The following CCDC171 variants were observed in gnomAD, a reference collection of about 807,000 sequenced individuals.
The protein encoded by CCDC171 is coiled-coil domain containing 171.
Under a neutral mutation model 168.2 loss-of-function variants are expected in CCDC171, and 177 were observed. The ratio of observed to expected loss-of-function variants is 1.05; its 90% confidence interval spans 0.93 to 1.19. The LOEUF is 1.19. Ranked by LOEUF, CCDC171 falls within the 50% of genes most tolerant of loss-of-function variation. The pLI is 0.00. For synonymous variants in CCDC171, 687 were observed against 540.8 expected (o/e 1.27, Z -3.75); for missense variants, 1,991 against 1,539.0 (o/e 1.29, Z -4.91).
chr9:15,751,196 A>G (rs1318781468), intron 18 of CCDC171, among the ~76,000 whole-genome samples: 1 of 152,182 alleles, frequency 6.6e-6, no homozygotes, highest in Non-Finnish European at 1.5e-5. Flanking sequence ...CAAAGAGAAT[A>G]AAATACCTAG....
chr9:15,671,734 A>G (rs2049127592), intron 9 of CCDC171, among the ~76,000 whole-genome samples: 1 of 152,128 alleles, frequency 6.6e-6, no homozygotes, highest in African/African-American at 2.4e-5. Context: ...TATATGTGCC[A>G]CATTTTCTTA....
chr9:16,081,793 A>G, the CCDC171 span, among the ~76,000 whole-genome samples: 10 of 151,942 alleles, frequency 6.6e-5, no homozygotes, highest in African/African-American at 2.4e-4. Context: ...GAAAACTCAG[A>G]TTTTCAATGT....
At chr9:16,060,452 A>AC (rs34634538) in intron 1 of CCDC171, among the ~76,000 whole-genome samples, 10 of 151,978 alleles carry the variant, frequency 6.6e-5, no homozygotes, top group Non-Finnish European at 8.8e-5. Flanking sequence ...CATAAAACAG[A>AC]CCCCCCAGGC....
intron 21 of CCDC171, among the ~76,000 whole-genome samples, chr9:15,827,991 A>G (rs1035146953): frequency 6.6e-6 from 1 of 152,186 alleles, no homozygotes; most frequent in Non-Finnish European, 1.5e-5. Context: ...AGAAGTCTTC[A>G]ATAGTAGGAT....
rs58171560 is a variant in CCDC171, at chr9:15,634,295, A to G, written c.822+10882A>G. 7.5e-3 allele frequency among the ~76,000 whole-genome samples: 1,136 copies of G among 152,268 alleles called. 9 individuals are homozygous for G. The highest frequency in any genetic ancestry group is 0.026 in the African/African-American group (1,080 of 41,562). On this transcript the variant is annotated intron_variant, in intron 7 of 25. Coordinates refer to ENST00000380701, the MANE Select transcript of CCDC171 (RefSeq NM_173550.4). ...AATAATAAAAAAAGTTTCTTTGGAAAATTTTTAAACATTACAATCTATAGG... is the reference window on the plus strand; with the variant it reads ...AATAATAAAAAAAGTTTCTTTGGAAGATTTTTAAACATTACAATCTATAGG...
In CCDC171 at chr9:15,945,328, C is replaced by T. The variant is rs538793326; in HGVS notation, c.3753+24906C>T. Among the ~76,000 whole-genome samples the T allele has an allele frequency of 7.1e-3, 1,042 of 145,852 alleles. 11 individuals are homozygous for T. The highest frequency in any genetic ancestry group is 0.024 in the African/African-American group (990 of 40,856). On this transcript the variant is annotated intron_variant, in intron 25 of 25. Coordinates refer to ENST00000380701, the MANE Select transcript of CCDC171 (RefSeq NM_173550.4). ...AAGTCTTTGCTATTGTGAATAATGC[C>T]GCAATAAACATAGGTGTGCATGTGT...
Position 15,971,883 on chromosome 9 carries a change from A to G in CCDC171, c.*47A>G. On this transcript the variant is annotated 3_prime_UTR_variant, in exon 26 of 26. Transcript: ENST00000380701. ...AGGAAGAGTTAACAGTACAATTAAA[A>G]TTGTTTTGAATGGGAATTTTCTTAT... is the stretch of plus-strand genomic sequence containing the variant. The G allele has an allele frequency of 6.8e-7, 1 of 1,475,202 alleles. No homozygotes were observed. The highest frequency in any genetic ancestry group is 9.4e-7 in the Non-Finnish European group (1 of 1,062,770). 91.4% of individuals were successfully genotyped at this position (1,475,202 alleles called of 1,614,324 possible).
At chr9:15,887,670 T>G (rs1819617352) in intron 24 of CCDC171, 1 of 152,112 alleles carries the variant, frequency 6.6e-6, no homozygotes, top group South Asian at 2.1e-4. Context: ...AAAAGATTGT[T>G]GCTTAATTCA....
chr9:15,693,935 T>C (rs1166711107), intron 10 of CCDC171, among the ~76,000 whole-genome samples: 1 of 152,108 alleles, frequency 6.6e-6, no homozygotes, highest in Non-Finnish European at 1.5e-5. Context: ...GAAAAAAAAT[T>C]CAGGCTTACT....
At chr9:15,897,019 A>T (rs1160587753) in intron 24 of CCDC171, among the ~76,000 whole-genome samples, 1 of 152,078 alleles carries the variant, frequency 6.6e-6, no homozygotes. Flanking sequence ...CTTAGTAGTT[A>T]AAATGGAAAT....
chr9:15,630,043 G>C (rs1468894848), intron 7 of CCDC171, among the ~76,000 whole-genome samples: 1 of 152,168 alleles, frequency 6.6e-6, no homozygotes, highest in Non-Finnish European at 1.5e-5. Flanking sequence ...AACATGGAAA[G>C]GAACAACCGG....
intron 9 of CCDC171, among the ~76,000 whole-genome samples, chr9:15,677,821 GCA>G (rs1329373726): frequency 3.3e-5 from 4 of 121,482 alleles, no homozygotes; most frequent in Admixed American, 8.7e-5. Flanking sequence ...ACACACACGC[GCA>G]CACACACAAA....
At chr9:15,766,539 A>G (rs1165285147) in intron 18 of CCDC171, among the ~76,000 whole-genome samples, 3 of 152,094 alleles carry the variant, frequency 2.0e-5, no homozygotes, top group Admixed American at 6.5e-5. Context: ...GAAAACAAAT[A>G]AGGCAGAATT....
At chr9:15,620,607 G>A (rs1048927497) in intron 6 of CCDC171, among the ~76,000 whole-genome samples, 9 of 152,210 alleles carry the variant, frequency 5.9e-5, no homozygotes, top group Non-Finnish European at 1.3e-4. Flanking sequence ...TGGTGGAGAT[G>A]CTGTGAACAT....
chr9:15,762,191 A>C (rs902377031), intron 18 of CCDC171, among the ~76,000 whole-genome samples: 3 of 148,630 alleles, frequency 2.0e-5, no homozygotes, highest in African/African-American at 7.5e-5. Flanking sequence ...TAAGTTGGAT[A>C]TCCAGATACT....
At chr9:15,602,738 C>T (rs1342981599) in intron 6 of CCDC171, among the ~76,000 whole-genome samples, 1 of 149,204 alleles carries the variant, frequency 6.7e-6, no homozygotes, top group Non-Finnish European at 1.5e-5. Flanking sequence ...TCACTGCAAC[C>T]TCTCCGCCTC....
At chr9:15,980,591 G>A (rs551998971) in intron 3 of CCDC171, among the ~76,000 whole-genome samples, 49 of 152,164 alleles carry the variant, frequency 3.2e-4, no homozygotes, top group African/African-American at 1.1e-3. Flanking sequence ...ATCTTTCATA[G>A]CCCCAAACCA....
At chr9:15,739,326 A>T (rs1000214220) in intron 16 of CCDC171, among the ~76,000 whole-genome samples, 1 of 152,230 alleles carries the variant, frequency 6.6e-6, no homozygotes, top group African/African-American at 2.4e-5. Flanking sequence ...TACTAAAGGA[A>T]GAGATCAACT....
intron 21 of CCDC171, among the ~76,000 whole-genome samples, chr9:15,829,537 C>T (rs1299669553): frequency 6.6e-6 from 1 of 152,124 alleles, no homozygotes; most frequent in African/African-American, 2.4e-5. Context: ...ATTTAAGGTG[C>T]TATAAGTCTG....
Sources: gnomAD v4.1 joint callset for allele counts (sites outside exome capture counted in the v4.1 genomes callset) on GRCh38, gnomAD v4.1.1 for gene constraint, MANE v1.5 for transcripts, NCBI Gene and HGNC (gene_info 2026-07-23, HGNC 2026-07-21) for gene names.